SEMA3E: variants seen among roughly 807,000 people sequenced by gnomAD.
SEMA3E encodes the protein semaphorin-3E.
SEMA3E carries 49 observed loss-of-function variants against 93.6 expected under a neutral mutation model. That is an observed-to-expected ratio of 0.52 (90% CI 0.42 to 0.66). The LOEUF is 0.66. Ranked by LOEUF, SEMA3E falls within the 30% of genes least tolerant of loss-of-function variation. The probability of loss-of-function intolerance (pLI) is 0.00; values close to 1 mark genes in which losing one functional copy is unlikely to be tolerated. For missense variants in SEMA3E, 906 were observed against 964.8 expected, an observed-to-expected ratio of 0.94 and a Z score of 0.81; for synonymous variants, 363 against 330.7, an observed-to-expected ratio of 1.10 and a Z score of -1.06.
intron 14 of SEMA3E, among the ~76,000 whole-genome samples, chr7:83,387,990 T>C (rs1331779209): frequency 6.8e-6 from 1 of 146,442 alleles, no homozygotes; most frequent in Non-Finnish European, 1.5e-5. Flanking sequence ...ATATATATTA[T>C]GTATATAATA....
At chr7:83,539,258 C>A (rs1355831380) in intron 1 of SEMA3E, among the ~76,000 whole-genome samples, 2 of 152,178 alleles carry the variant, frequency 1.3e-5, no homozygotes, top group Non-Finnish European at 2.9e-5. Flanking sequence ...CCCTTAATCT[C>A]CAGATTTTTA....
At chr7:83,379,657 A>C (rs1298463861) in intron 16 of SEMA3E, among the ~76,000 whole-genome samples, 1 of 151,838 alleles carries the variant, frequency 6.6e-6, no homozygotes, top group Non-Finnish European at 1.5e-5. Flanking sequence ...AGGAGGCATC[A>C]CTGCATTGTG....
intron 1 of SEMA3E, among the ~76,000 whole-genome samples, chr7:83,544,245 C>T (rs1791598504): frequency 6.6e-6 from 1 of 151,930 alleles, no homozygotes. Flanking sequence ...CTTACTTCGC[C>T]ATTTATTTAA....
chr7:83,396,378 T>C (rs958496419), intron 12 of SEMA3E, among the ~76,000 whole-genome samples: 8 of 152,170 alleles, frequency 5.3e-5, no homozygotes, highest in Non-Finnish European at 1.2e-4. Context: ...AAATTATATG[T>C]AGTATAAATG....
At chr7:83,511,284 TG>T (rs1790812476) in intron 1 of SEMA3E, among the ~76,000 whole-genome samples, 1 of 99,556 alleles carries the variant, frequency 1.0e-5, no homozygotes, top group Non-Finnish European at 2.3e-5. Context: ...GTCTTAAATA[TG>T]TTTTTTTTTT....
chr7:83,632,372 C>T, intron 1 of SEMA3E, among the ~76,000 whole-genome samples: 1 of 152,118 alleles, frequency 6.6e-6, no homozygotes, highest in Middle Eastern at 3.2e-3. Flanking sequence ...TTGTGCCCCA[C>T]CCAAATCTCA....
At chr7:83,456,920 C>A (rs1243178021) in intron 4 of SEMA3E, among the ~76,000 whole-genome samples, 1 of 152,100 alleles carries the variant, frequency 6.6e-6, no homozygotes, top group Non-Finnish European at 1.5e-5. Context: ...AGCCACGACT[C>A]TATTTCTTGA....
intron 1 of SEMA3E, among the ~76,000 whole-genome samples, chr7:83,529,907 C>T (rs936075576): frequency 1.3e-5 from 2 of 152,066 alleles, no homozygotes; most frequent in Non-Finnish European, 2.9e-5. Flanking sequence ...TTTCTTCTCT[C>T]CATCTGTAGT....
chr7:83,468,045 A>G (rs1402152990), intron 3 of SEMA3E, among the ~76,000 whole-genome samples: 1 of 152,222 alleles, frequency 6.6e-6, no homozygotes, highest in East Asian at 1.9e-4. Context: ...ATTACTTGAA[A>G]TCAATACATG....
chr7:83,427,435 A>T (rs887008148), intron 4 of SEMA3E, among the ~76,000 whole-genome samples: 2 of 152,156 alleles, frequency 1.3e-5, no homozygotes, highest in Non-Finnish European at 2.9e-5. Context: ...CTCATGTCTC[A>T]GTACAATATT....
rs915741439 is a variant in SEMA3E, at chr7:83,401,015, C to T, written c.1144-765G>A. Among the ~76,000 whole-genome samples, 7 of 152,022 alleles carry T rather than the reference C, an allele frequency of 4.6e-5. No homozygotes were observed. The South Asian group carries it at 1.4e-3, about 31-fold the overall frequency. Reference sequence around the variant, plus strand: ...TAGTGGTTCAACAAAAAAACCTATTCAGATGTTATCACTGTTAATTATCAA... The same window carrying T: ...TAGTGGTTCAACAAAAAAACCTATTTAGATGTTATCACTGTTAATTATCAA... On this transcript the variant is annotated intron_variant, in intron 10 of 16. Transcript: ENST00000643230.
At chr7:83,512,290 A>G (rs902045976) in intron 1 of SEMA3E, among the ~76,000 whole-genome samples, 1 of 152,202 alleles carries the variant, frequency 6.6e-6, no homozygotes, top group African/African-American at 2.4e-5. Flanking sequence ...TAGACAAAGA[A>G]AGAAAGTCTT....
chr7:83,574,151 A>G (rs1415022058), intron 1 of SEMA3E, among the ~76,000 whole-genome samples: 2 of 152,162 alleles, frequency 1.3e-5, no homozygotes, highest in Non-Finnish European at 2.9e-5. Flanking sequence ...ATTTGCATTA[A>G]AAAATCTTAA....
chr7:83,363,382 A>T lies in SEMA3E; in HGVS notation c.*4204T>A, dbSNP rs1239087363. Reference sequence around the variant, plus strand: ...AATGGTCCCTGCAGCTTGCCACCAGATGCTAATAAGTCTCATGGCTTAGAA... The same window carrying T: ...AATGGTCCCTGCAGCTTGCCACCAGTTGCTAATAAGTCTCATGGCTTAGAA... On this transcript the variant is annotated 3_prime_UTR_variant, in exon 17 of 17. Transcript: ENST00000643230. 6.6e-6 allele frequency: 1 copy of T among 152,220 alleles called. No homozygotes were observed. The highest frequency in any genetic ancestry group is 6.5e-5 in the Admixed American group (1 of 15,272). The allele number at this position is 152,220 out of a possible 1,614,324, so 9.4% of individuals were successfully genotyped here.
chr7:83,584,814 C>A (rs542771895), intron 1 of SEMA3E, among the ~76,000 whole-genome samples: 2 of 152,150 alleles, frequency 1.3e-5, no homozygotes, highest in African/African-American at 2.4e-5. Flanking sequence ...TTCTCAAAGC[C>A]CTTTCACTGG....
intron 1 of SEMA3E, among the ~76,000 whole-genome samples, chr7:83,509,832 G>A (rs1790780363): frequency 6.6e-6 from 1 of 152,140 alleles, no homozygotes; most frequent in Non-Finnish European, 1.5e-5. Context: ...TTCTGCTAAT[G>A]CTCAGCTATT....
chr7:83,574,626 G>C (rs1792362621), intron 1 of SEMA3E, among the ~76,000 whole-genome samples: 1 of 152,122 alleles, frequency 6.6e-6, no homozygotes, highest in Non-Finnish European at 1.5e-5. Context: ...TAGAGGAAGA[G>C]ATTTTAACCA....
rs1431836894 is a variant in SEMA3E at position 83,418,446 on chromosome 7, C to T, written c.494G>A (p.Arg165Lys). Residue 165 changes from arginine to lysine, a missense_variant, in exon 5 of 17, where the codon AGA (arginine) becomes AAA (lysine). Arg to Lys is a conservative substitution (Grantham distance 26, BLOSUM62 2). Transcript: ENST00000643230. ...GTCAAAAGGACATCTGCCCCTTCCT[C>T]TCTCAGATCTGGGTGATTCCAGGTG... is the stretch of plus-strand genomic sequence containing the variant. ...LFHLESPRSERGRGRCPFDPS... is the reference protein window; with the variant it reads ...LFHLESPRSEKGRGRCPFDPS... 6.8e-6 allele frequency: 11 copies of T among 1,611,768 alleles called. No homozygotes were observed. The highest frequency in any genetic ancestry group is 9.3e-6 in the Non-Finnish European group (11 of 1,178,962).
chr7:83,460,307 C>T (rs182233138), intron 4 of SEMA3E, among the ~76,000 whole-genome samples: 238 of 152,220 alleles, frequency 1.6e-3, no homozygotes, highest in African/African-American at 5.3e-3. Flanking sequence ...ACCTCTCTCA[C>T]TGTCCCTCAA....
Sources: allele counts gnomAD v4.1 joint callset (sites outside exome capture counted in the v4.1 genomes callset), GRCh38; gene constraint gnomAD v4.1.1; transcripts MANE v1.5; gene names NCBI Gene and HGNC (gene_info 2026-07-23, HGNC 2026-07-21).